The following COL4A5 variants were observed in gnomAD, a reference collection of about 807,000 sequenced individuals.
COL4A5 encodes the protein collagen type IV alpha 5 chain, also known as collagen alpha-5(IV) chain.
In COL4A5, 26 loss-of-function variants were observed where a neutral mutation model predicts 130.2. The ratio of observed to expected loss-of-function variants is 0.20; its 90% CI spans 0.15 to 0.28. The LOEUF (loss-of-function observed/expected upper bound fraction) is 0.28. Among genes scored for constraint, COL4A5 ranks in the 10% least tolerant of loss-of-function variants. The pLI, the probability that COL4A5 is intolerant of heterozygous loss-of-function variation, is 1.00. For synonymous variants in COL4A5, 496 were observed against 439.6 expected (o/e 1.13, Z -1.60); for missense variants, 1,131 against 1,344.3 (o/e 0.84, Z 2.48).
chrX:108,508,329 A>G (rs947454048), intron 1 of COL4A5, among the ~76,000 whole-genome samples: 2 of 110,413 alleles, frequency 1.8e-5, no homozygotes, highest in African/African-American at 6.6e-5. Flanking sequence ...ACAGCTAACC[A>G]GGGAGGAGAA....
At chrX:108,569,191 C>G (rs749451136) in intron 6 of COL4A5, among the ~76,000 whole-genome samples, 1 of 111,914 alleles carries the variant, frequency 8.9e-6, no homozygotes, top group Admixed American at 9.4e-5. Flanking sequence ...AAACTAGGTA[C>G]AATTTATGTT....
rs184436299 is a variant in COL4A5, at chrX:108,466,861, C to T, written c.81+26655C>T. 1.7e-3 allele frequency among the ~76,000 whole-genome samples: 190 copies of T among 110,917 alleles called. 1 individual carries two copies. Among genetic ancestry groups the T allele is most frequent in the African/African-American group, 5.9e-3 (180 of 30,531 alleles). Reference sequence around the variant, plus strand: ...CTCCCAAGCAGCTGGGATTCCAGCCCTATTTTCAAGTTGGGCCGTTTATCT... The same window carrying T: ...CTCCCAAGCAGCTGGGATTCCAGCCTTATTTTCAAGTTGGGCCGTTTATCT... On this transcript the variant is annotated intron_variant, in intron 1 of 52. Coordinates refer to ENST00000328300, the MANE Select transcript of COL4A5 (RefSeq NM_033380.3).
At chrX:108,682,014 A>G in intron 47 of COL4A5, 126 bp downstream of exon 47, 2 of 634,221 alleles carry the variant, frequency 3.2e-6, no homozygotes, top group Non-Finnish European at 5.0e-6. Context: ...CTATCAACCC[A>G]TCATCTACGT....
In COL4A5 at chrX:108,440,188, G is replaced by C; in HGVS notation, c.63G>C (p.Gly21=). ...GLFLLALSLW[G]QPAEAAACYG... ...TCTTACTGGCCCTGAGTCTTTGGGG[G>C]CAGCCTGCAGAGGCTGCGGTAAGTC... Residue 21 remains glycine (G), a synonymous_variant, in exon 1 of 53, where the codon GGG becomes GGC. Transcript: ENST00000328300. The C allele has an allele frequency of 2.5e-6, 3 of 1,203,738 alleles. No individual in the cohort carries two copies. Among genetic ancestry groups the C allele is most frequent in the Non-Finnish European group, 3.4e-6 (3 of 890,013 alleles).
chrX:108,619,151 G>A (rs1753893631), intron 30 of COL4A5, among the ~76,000 whole-genome samples: 2 of 111,151 alleles, frequency 1.8e-5, no homozygotes, highest in South Asian at 7.6e-4. Context: ...TGGAACTATC[G>A]CTACTTTGCC....
chrX:108,594,477 T>C (rs1449204789), intron 21 of COL4A5, among the ~76,000 whole-genome samples: 1 of 111,419 alleles, frequency 9.0e-6, no homozygotes, highest in Non-Finnish European at 1.9e-5. Flanking sequence ...CTTTTCTTTT[T>C]AAAATTTTCT....
At position 108,679,850 on chromosome X, in the gene COL4A5, A is replaced by G. The variant is rs1186390024; in HGVS notation, c.3943-829A>G. ...ATAAAATAATAGTTACCTTTCATTA[A>G]GTACACACCACACACCAGTCTTCTA... is the stretch of plus-strand genomic sequence containing the variant. On this transcript the variant is annotated intron_variant, in intron 44 of 52. Transcript: ENST00000328300. 2.7e-5 allele frequency among the ~76,000 whole-genome samples: 3 copies of G among 112,180 alleles called. No individual in the cohort carries two copies. The East Asian group carries it at 8.4e-4, about 31-fold the overall frequency.
chrX:108,632,182 A>G (rs1054219609), intron 36 of COL4A5, among the ~76,000 whole-genome samples: 1 of 111,944 alleles, frequency 8.9e-6, no homozygotes, highest in East Asian at 2.8e-4. Context: ...AACTACCATC[A>G]GAGAATACTA....
At chrX:108,492,628 G>A (rs771176380) in intron 1 of COL4A5, among the ~76,000 whole-genome samples, 1 of 111,554 alleles carries the variant, frequency 9.0e-6, no homozygotes, top group African/African-American at 3.2e-5. Context: ...CAAGTAAAAT[G>A]GACAAATCGA....
intron 49 of COL4A5, among the ~76,000 whole-genome samples, chrX:108,690,927 G>T (rs752733151): frequency 1.6e-4 from 18 of 111,663 alleles, no homozygotes; most frequent in African/African-American, 5.9e-4. Flanking sequence ...TCCAACAAAG[G>T]ATGAATGGAT....
intron 13 of COL4A5, among the ~76,000 whole-genome samples, chrX:108,579,062 T>TC (rs2066202582): frequency 9.0e-6 from 1 of 111,487 alleles, no homozygotes; most frequent in African/African-American, 3.3e-5. Flanking sequence ...CAATTCAATT[T>TC]TTTTTTTAGT....
chrX:108,479,242 C>G (rs1006793909), intron 1 of COL4A5, among the ~76,000 whole-genome samples: 1 of 112,590 alleles, frequency 8.9e-6, no homozygotes, highest in African/African-American at 3.2e-5. Context: ...GAGGTCCATC[C>G]ACATACCTCT....
chrX:108,546,664 A>G (rs776594004), intron 2 of COL4A5, among the ~76,000 whole-genome samples: 1 of 111,256 alleles, frequency 9.0e-6, no homozygotes, highest in African/African-American at 3.3e-5. Flanking sequence ...CTGCCTTGCT[A>G]GGTTGGGGAA....
At position 108,652,106 on chromosome X, in the gene COL4A5, G is replaced by A. The variant is rs191513545; in HGVS notation, c.3247-3225G>A. 1.1e-3 allele frequency among the ~76,000 whole-genome samples: 123 copies of A among 111,355 alleles called. 4 individuals are homozygous for A. In the East Asian group the frequency reaches 0.032, roughly 29 times the overall value. On this transcript the variant is annotated intron_variant, in intron 36 of 52. Transcript: ENST00000328300. ...TTAAGTGCTCTTACCACAACCCCCC[G>A]ACACAAGAACATGAAGAAATTTTTG...
chrX:108,513,715 T>C (rs1474850657), intron 1 of COL4A5, among the ~76,000 whole-genome samples: 1 of 111,962 alleles, frequency 8.9e-6, no homozygotes, highest in African/African-American at 3.2e-5. Flanking sequence ...TTGTATATTT[T>C]GATGAGTTAT....
chrX:108,650,220 G>T (rs2067695515), intron 36 of COL4A5, among the ~76,000 whole-genome samples: 1 of 110,688 alleles, frequency 9.0e-6, no homozygotes, highest in Non-Finnish European at 1.9e-5. Flanking sequence ...AAACCGCAAT[G>T]CAATACCACT....
chrX:108,669,742 G>A (rs958270736), intron 41 of COL4A5, among the ~76,000 whole-genome samples: 2 of 112,011 alleles, frequency 1.8e-5, no homozygotes, highest in African/African-American at 6.5e-5. Flanking sequence ...TGAGCTCACT[G>A]TTGAACCTTA....
At chrX:108,489,977 A>C (rs139847477) in intron 1 of COL4A5, among the ~76,000 whole-genome samples, 1,350 of 111,554 alleles carry the variant, frequency 0.012, 26 homozygotes, top group African/African-American at 0.042. Flanking sequence ...TTGTGGATTC[A>C]TATGTAGCTC....
chrX:108,440,993 A>G (rs1024474019), intron 1 of COL4A5, among the ~76,000 whole-genome samples: 1 of 111,524 alleles, frequency 9.0e-6, no homozygotes, highest in Admixed American at 9.5e-5. Flanking sequence ...TCAGTGTTCC[A>G]GTTTAAAGGA....
Sources: gnomAD v4.1 joint callset for allele counts (sites outside exome capture counted in the v4.1 genomes callset) on GRCh38, gnomAD v4.1.1 for gene constraint, MANE v1.5 for transcripts, NCBI Gene and HGNC (gene_info 2026-07-23, HGNC 2026-07-21) for gene names.